LRP1B: variants seen among roughly 807,000 people sequenced by gnomAD.
The protein encoded by LRP1B is LDL receptor related protein 1B.
Under a neutral mutation model 556.6 loss-of-function variants are expected in LRP1B, and 217 were observed. That is an observed-to-expected ratio of 0.39 (90% CI 0.35 to 0.44). LRP1B has a LOEUF of 0.44. Among genes scored for constraint, LRP1B ranks in the 20% least tolerant of loss-of-function variants. The probability of loss-of-function intolerance (pLI) is 1.00; values close to 1 mark genes in which losing one functional copy is unlikely to be tolerated. For synonymous variants in LRP1B, 2,047 were observed against 1,865.8 expected (o/e 1.10, Z -2.50); for missense variants, 5,053 against 5,620.8 (o/e 0.90, Z 3.23).
At chr2:141,763,364 T>C (rs921210740) in intron 2 of LRP1B, among the ~76,000 whole-genome samples, 1 of 152,110 alleles carries the variant, frequency 6.6e-6, no homozygotes, top group Non-Finnish European at 1.5e-5. Context: ...CTGAAAGAGA[T>C]TATTGGGCTT....
At chr2:141,516,313 T>G (rs1246894850) in intron 2 of LRP1B, among the ~76,000 whole-genome samples, 1 of 152,182 alleles carries the variant, frequency 6.6e-6, no homozygotes, top group East Asian at 1.9e-4. Flanking sequence ...ATATAAAATA[T>G]TGATTATGCT....
intron 3 of LRP1B, among the ~76,000 whole-genome samples, chr2:141,289,777 T>A (rs1021337892): frequency 6.6e-6 from 1 of 152,128 alleles, no homozygotes; most frequent in Non-Finnish European, 1.5e-5. Flanking sequence ...GTGTTTATAG[T>A]TTGGGGGACA....
chr2:141,090,045 C>G (rs1345415468), intron 7 of LRP1B, among the ~76,000 whole-genome samples: 1 of 152,138 alleles, frequency 6.6e-6, no homozygotes, highest in African/African-American at 2.4e-5. Flanking sequence ...GCACTCCTCC[C>G]CATTAGGGTC....
chr2:141,806,607 T>C (rs1456895215), intron 2 of LRP1B, among the ~76,000 whole-genome samples: 1 of 152,022 alleles, frequency 6.6e-6, no homozygotes, highest in Non-Finnish European at 1.5e-5. Flanking sequence ...TTGGTATCAC[T>C]AAATTTTAAC....
intron 1 of LRP1B, among the ~76,000 whole-genome samples, chr2:142,058,614 A>T (rs767938251): frequency 2.6e-5 from 4 of 151,886 alleles, no homozygotes; most frequent in Non-Finnish European, 5.9e-5. Flanking sequence ...GCCCAAGACA[A>T]TTTTTCTCCC....
At chr2:141,261,312 C>A (rs145856675) in intron 3 of LRP1B, among the ~76,000 whole-genome samples, 2 of 152,062 alleles carry the variant, frequency 1.3e-5, no homozygotes, top group African/African-American at 2.4e-5. Flanking sequence ...GATAGAGCAG[C>A]GAGGCAATGC....
chr2:141,969,266 A>T (rs1342597926), intron 1 of LRP1B, among the ~76,000 whole-genome samples: 4 of 151,558 alleles, frequency 2.6e-5, no homozygotes, highest in African/African-American at 9.7e-5. Flanking sequence ...TAGTGAGAAC[A>T]TTCGAAATGT....
Position 141,509,195 on chromosome 2 carries a change from G to C in LRP1B, c.206-28662C>G, listed in dbSNP as rs576869114. 2.0e-5 allele frequency among the ~76,000 whole-genome samples: 3 copies of C among 152,224 alleles called. No individual in the cohort carries two copies. In the South Asian group the frequency reaches 6.2e-4, roughly 32 times the overall value. ...AGCCCACTTGTATTGCATGGAAACTGGAGATATGCAAACTTGAAACAGCCC... is the reference window on the plus strand; with the variant it reads ...AGCCCACTTGTATTGCATGGAAACTCGAGATATGCAAACTTGAAACAGCCC... On this transcript the variant is annotated intron_variant, in intron 2 of 90. Transcript: ENST00000389484.
At chr2:141,935,765 A>G (rs1486525394) in intron 1 of LRP1B, among the ~76,000 whole-genome samples, 1 of 152,184 alleles carries the variant, frequency 6.6e-6, no homozygotes, top group Non-Finnish European at 1.5e-5. Flanking sequence ...CTAGACAGAT[A>G]CTTATTGCAA....
intron 31 of LRP1B, among the ~76,000 whole-genome samples, chr2:140,816,051 A>G (rs17516755): frequency 0.46 from 69,257 of 151,978 alleles, 16,926 homozygotes; most frequent in East Asian, 0.58. Flanking sequence ...AGTTAATTCC[A>G]TCTTGAAACT....
At chr2:140,601,837 T>G (rs1417014664) in intron 41 of LRP1B, among the ~76,000 whole-genome samples, 198 bp from the exon 42 acceptor site, 1 of 151,998 alleles carries the variant, frequency 6.6e-6, no homozygotes, top group East Asian at 1.9e-4. Flanking sequence ...GGAGCAATTT[T>G]TGCAAAAAAT....
At chr2:141,795,802 G>C (rs939938401) in intron 2 of LRP1B, among the ~76,000 whole-genome samples, 1 of 134,928 alleles carries the variant, frequency 7.4e-6, no homozygotes, top group Non-Finnish European at 1.6e-5. Context: ...GCATCTAAAA[G>C]TGCCCAGTAA....
chr2:141,903,440 C>T (rs1008778173), intron 1 of LRP1B, among the ~76,000 whole-genome samples: 5 of 151,842 alleles, frequency 3.3e-5, no homozygotes, highest in Non-Finnish European at 7.4e-5. Flanking sequence ...TCTAACTCTG[C>T]CACTAAACTG....
intron 5 of LRP1B, among the ~76,000 whole-genome samples, chr2:141,241,418 G>A (rs1011848220): frequency 6.6e-6 from 1 of 152,036 alleles, no homozygotes; most frequent in African/African-American, 2.4e-5. Flanking sequence ...AGGATTGTAT[G>A]TTTATTTGAG....
chr2:142,093,096 AT>A (rs1292452469), intron 1 of LRP1B, among the ~76,000 whole-genome samples: 2 of 151,870 alleles, frequency 1.3e-5, no homozygotes, highest in Non-Finnish European at 2.9e-5. Flanking sequence ...GCATAATTCA[AT>A]TTTTTTCATC....
intron 1 of LRP1B, among the ~76,000 whole-genome samples, chr2:141,975,696 G>A (rs1297848453): frequency 6.6e-6 from 1 of 152,084 alleles, no homozygotes; most frequent in East Asian, 1.9e-4. Context: ...AAGTGACCAG[G>A]CATTAAACTG....
intron 20 of LRP1B, among the ~76,000 whole-genome samples, chr2:140,932,642 G>A (rs1695082555): frequency 6.6e-6 from 1 of 151,828 alleles, no homozygotes; most frequent in Non-Finnish European, 1.5e-5. Flanking sequence ...GGAGGCTGAA[G>A]TAGGAGGATC....
intron 66 of LRP1B, among the ~76,000 whole-genome samples, chr2:140,405,314 A>T (rs1431372482): frequency 6.6e-6 from 1 of 152,176 alleles, no homozygotes; most frequent in Non-Finnish European, 1.5e-5. Flanking sequence ...AACTAGAGAA[A>T]CAGGCACTAA....
At chr2:141,679,241 A>G (rs1691017301) in intron 2 of LRP1B, among the ~76,000 whole-genome samples, 1 of 152,144 alleles carries the variant, frequency 6.6e-6, no homozygotes, top group Non-Finnish European at 1.5e-5. Flanking sequence ...GCCTAGCCCC[A>G]GCTAACACCT....
Sources: gnomAD v4.1 joint callset for allele counts (sites outside exome capture counted in the v4.1 genomes callset) on GRCh38, gnomAD v4.1.1 for gene constraint, MANE v1.5 for transcripts, NCBI Gene and HGNC (gene_info 2026-07-23, HGNC 2026-07-21) for gene names.